Variants in RARB observed in about 807,000 individuals in gnomAD.
RARB encodes retinoic acid receptor beta.
A neutral mutation model predicts 51.9 loss-of-function variants in RARB; 17 were observed. That is an observed-to-expected ratio of 0.33 (90% CI 0.22 to 0.49). RARB has a LOEUF of 0.49. Among genes scored for constraint, RARB ranks in the 20% least tolerant of loss-of-function variants. The probability of loss-of-function intolerance (pLI) is 0.99; values close to 1 mark genes in which losing one functional copy is unlikely to be tolerated. For synonymous variants in RARB, 215 were observed against 195.4 expected, an observed-to-expected ratio of 1.10 and a Z score of -0.84; for missense variants, 369 against 550.8, an observed-to-expected ratio of 0.67 and a Z score of 3.30.
chr3:25,558,851 A>T (rs192341254), intron 3 of RARB, among the ~76,000 whole-genome samples: 12 of 152,178 alleles, frequency 7.9e-5, no homozygotes, highest in Admixed American at 4.6e-4. Context: ...CGTCTTCTTC[A>T]TCCCCATTTT....
At chr3:25,074,716 G>A (rs1698837346) in intron 3 of RARB, among the ~76,000 whole-genome samples, 1 of 152,028 alleles carries the variant, frequency 6.6e-6, no homozygotes, top group Non-Finnish European at 1.5e-5. Context: ...CTATCACACT[G>A]TACCACTGAG....
intron 2 of RARB, among the ~76,000 whole-genome samples, chr3:24,963,118 T>A (rs1696177480): frequency 1.3e-5 from 2 of 152,140 alleles, no homozygotes; most frequent in African/African-American, 4.8e-5. Context: ...GATTTGTTCT[T>A]GATGTGATTT....
Position 25,164,118 on chromosome 3 carries a change from G to A in RARB, c.-279-10001G>A, listed in dbSNP as rs145863642. 3.6e-3 allele frequency among the ~76,000 whole-genome samples: 551 copies of A among 152,254 alleles called. 2 individuals are homozygous for A. The highest frequency in any genetic ancestry group is 0.011 in the African/African-American group (475 of 41,558). On this transcript the variant is annotated intron_variant, in intron 4 of 11. Transcript: ENST00000383772. ...AAAAATGCAGCTCCCAGAAGCATGA[G>A]GATACAGTCTGGCCACTGGGGAGAA... is the stretch of plus-strand genomic sequence containing the variant.
intron 2 of RARB, among the ~76,000 whole-genome samples, chr3:24,860,792 G>A (rs1044838057): frequency 1.3e-5 from 2 of 152,116 alleles, no homozygotes; most frequent in African/African-American, 4.8e-5. Flanking sequence ...GTGACATTAG[G>A]TACAGAGAGG....
At chr3:25,429,755 G>A (rs960311732) in intron 1 of RARB, among the ~76,000 whole-genome samples, 2 of 152,254 alleles carry the variant, frequency 1.3e-5, no homozygotes, top group East Asian at 3.8e-4. Flanking sequence ...GCAGGCTTGA[G>A]AAATGATCAG....
intron 1 of RARB, among the ~76,000 whole-genome samples, chr3:25,436,644 C>T (rs754660845): frequency 1.3e-4 from 20 of 152,254 alleles, no homozygotes; most frequent in Non-Finnish European, 1.9e-4. Flanking sequence ...CTCTGCTTCT[C>T]GGGCAAGAGT....
chr3:25,374,933 TTTCC>T (rs1388637747), intron 5 of RARB, among the ~76,000 whole-genome samples: 1 of 152,206 alleles, frequency 6.6e-6, no homozygotes, highest in Non-Finnish European at 1.5e-5. Flanking sequence ...GATTATTTTT[TTTCC>T]TTCCTTTTTT....
chr3:24,994,096 G>C (rs907269420), intron 2 of RARB, among the ~76,000 whole-genome samples: 3 of 152,146 alleles, frequency 2.0e-5, no homozygotes, highest in African/African-American at 4.8e-5. Flanking sequence ...TCTCCATGGT[G>C]GCTGTACTAG....
chr3:25,374,560 C>T (rs972354087), intron 5 of RARB, among the ~76,000 whole-genome samples: 2 of 152,096 alleles, frequency 1.3e-5, no homozygotes, highest in Non-Finnish European at 2.9e-5. Flanking sequence ...CAGAACACAG[C>T]TCCCTGCTGC....
chr3:24,898,550 G>A (rs888578473), intron 2 of RARB, among the ~76,000 whole-genome samples: 2 of 152,048 alleles, frequency 1.3e-5, no homozygotes, highest in Non-Finnish European at 2.9e-5. Context: ...CTTATGCGTA[G>A]AACAAATACT....
At chr3:25,238,769 T>A (rs1315510206) in intron 5 of RARB, among the ~76,000 whole-genome samples, 1 of 152,042 alleles carries the variant, frequency 6.6e-6, no homozygotes, top group Non-Finnish European at 1.5e-5. Context: ...GATCACGAGG[T>A]CAGGATCAAG....
At chr3:25,453,412 TA>T (rs1392004144) in intron 1 of RARB, among the ~76,000 whole-genome samples, 1 of 152,070 alleles carries the variant, frequency 6.6e-6, no homozygotes. Context: ...CACGCCTAGC[TA>T]ATTTTGTATT....
At chr3:25,239,167 A>C (rs1702372860) in intron 5 of RARB, among the ~76,000 whole-genome samples, 1 of 152,118 alleles carries the variant, frequency 6.6e-6, no homozygotes, top group Non-Finnish European at 1.5e-5. Flanking sequence ...TATTACTATT[A>C]AATTGTTTGA....
chr3:24,863,587 A>C (rs1702795262), intron 2 of RARB, among the ~76,000 whole-genome samples: 1 of 152,142 alleles, frequency 6.6e-6, no homozygotes, highest in East Asian at 1.9e-4. Flanking sequence ...GCCAAAATAG[A>C]AAACAGGGAA....
chr3:25,081,608 TA>T (rs60535707), intron 3 of RARB, among the ~76,000 whole-genome samples: 354 of 16,086 alleles, frequency 0.022, 6 homozygotes, highest in Non-Finnish European at 0.027. Flanking sequence ...TATATATATA[TA>T]TATATATATA....
Position 25,597,562 on chromosome 3 carries a change from T to G in RARB, c.*946T>G, listed in dbSNP as rs1456717541. 1 of 152,584 alleles carries G rather than the reference T, an allele frequency of 6.6e-6. No individual in the cohort carries two copies. The highest frequency in any genetic ancestry group is 1.5e-5 in the Non-Finnish European group (1 of 68,044). The allele number at this position is 152,584 out of a possible 1,614,324, so 9.5% of individuals were successfully genotyped here. A position where few individuals can be genotyped will look rare whatever the true frequency, so the allele number is the denominator to read the frequency against. On this transcript the variant is annotated 3_prime_UTR_variant, in exon 8 of 8. Coordinates refer to ENST00000330688, the MANE Select transcript of RARB (RefSeq NM_000965.5). ...TACCACCTGGACCATGTAACTCTAG[T>G]GTCCTTCCTGATTCATGCCTGATAT...
chr3:25,297,215 T>C (rs1157867030), intron 5 of RARB, among the ~76,000 whole-genome samples: 1 of 152,154 alleles, frequency 6.6e-6, no homozygotes, highest in African/African-American at 2.4e-5. Context: ...TCTCAAATGG[T>C]TAACAAATAA....
intron 5 of RARB, among the ~76,000 whole-genome samples, chr3:25,178,335 C>T (rs1301483770): frequency 6.6e-6 from 1 of 152,050 alleles, no homozygotes; most frequent in Non-Finnish European, 1.5e-5. Flanking sequence ...ATTAGAAAAA[C>T]TACCATGCAT....
intron 5 of RARB, among the ~76,000 whole-genome samples, chr3:25,382,036 G>C (rs188295628): frequency 7.2e-5 from 11 of 152,278 alleles, no homozygotes; most frequent in African/African-American, 2.6e-4. Context: ...TAGGGTGCAA[G>C]ATAGCAATAT....
Sources: allele counts gnomAD v4.1 joint callset (sites outside exome capture counted in the v4.1 genomes callset), GRCh38; gene constraint gnomAD v4.1.1; transcripts MANE v1.5; gene names NCBI Gene and HGNC (gene_info 2026-07-23, HGNC 2026-07-21).